Variants in LPCAT3 observed in about 807,000 individuals in gnomAD.
The protein encoded by LPCAT3 is lysophospholipid acyltransferase 5.
Under a neutral mutation model 63.4 loss-of-function variants are expected in LPCAT3, and 21 were observed. The observed-to-expected ratio is 0.33, with a 90% CI of 0.23 to 0.48. LPCAT3 has a LOEUF of 0.48. Ranked by LOEUF, LPCAT3 falls within the 20% of genes least tolerant of loss-of-function variation. The pLI, the probability that LPCAT3 is intolerant of heterozygous loss-of-function variation, is 0.99. For synonymous variants in LPCAT3, 242 were observed against 227.5 expected (o/e 1.06, Z -0.58); for missense variants, 451 against 590.6 (o/e 0.76, Z 2.45).
At chr12:7,002,220 A>C (rs1302711747) in intron 1 of LPCAT3, among the ~76,000 whole-genome samples, 1 of 152,000 alleles carries the variant, frequency 6.6e-6, no homozygotes, top group Non-Finnish European at 1.5e-5. Context: ...TCCTGTTCTT[A>C]CCCTTATATA....
chr12:6,981,111 G>C lies in LPCAT3; in HGVS notation c.570C>G (p.Phe190Leu). Residue 190 changes from phenylalanine to leucine, a missense_variant, in exon 6 of 13, where the codon TTC becomes TTG. Physicochemically the swap from Phe to Leu is conservative, Grantham distance 22. Coordinates refer to ENST00000261407, the MANE Select transcript of LPCAT3 (RefSeq NM_005768.6). Reference protein sequence around the residue: ...GVPSLLEVAGFSYFYGAFLVG... With the variant: ...GVPSLLEVAGLSYFYGAFLVG... ...CCAAGAAGGCCCCATAGAAGTAGGA[G>C]AAACCAGCAACTTCCAGCAGGGAAG... 6.2e-7 allele frequency: 1 copy of C among 1,614,034 alleles called. No individual in the cohort carries two copies. The highest frequency in any genetic ancestry group is 8.5e-7 in the Non-Finnish European group (1 of 1,179,970).
chr12:6,992,991 TTATTG>T (rs1309942205), intron 1 of LPCAT3, among the ~76,000 whole-genome samples: 2 of 152,324 alleles, frequency 1.3e-5, no homozygotes, highest in Non-Finnish European at 2.9e-5. Context: ...TATATTTTTA[TTATTG>T]TATTATTATT....
At position 7,017,930 on chromosome 12, in the gene LPCAT3, C is replaced by T. The variant is rs1003823428; in HGVS notation, c.151+344G>A. Reference sequence around the variant, plus strand: ...TGCGGGGTGGTTATTAATGACAGAGCAGGACACATGGCCAGACAGTGGAAC... The same window carrying T: ...TGCGGGGTGGTTATTAATGACAGAGTAGGACACATGGCCAGACAGTGGAAC... On this transcript the variant is annotated intron_variant, in intron 1 of 12. Transcript: ENST00000261407. This position sits in a 1 kb window ranked among gnomAD's most constrained non-coding sequence, Gnocchi z 4.1. Among the ~76,000 whole-genome samples, 3 of 152,274 alleles carry T rather than the reference C, an allele frequency of 2.0e-5. No homozygotes were observed. Among genetic ancestry groups the T allele is most frequent in the Middle Eastern group, 3.4e-3 (1 of 294 alleles).
Position 6,981,601 on chromosome 12 carries a change from T to G in LPCAT3, c.492A>C (p.Lys164Asn). The G allele has an allele frequency of 6.2e-7, 1 of 1,614,104 alleles. No individual in the cohort carries two copies. Among genetic ancestry groups the G allele is most frequent in the East Asian group, 2.2e-5 (1 of 44,876 alleles). ...GLAVDYFDGGKDQNSLSSEQQ... is the reference protein window; with the variant it reads ...GLAVDYFDGGNDQNSLSSEQQ... ...CCGATGAATGGGTACTTACCTGATC[T>G]TTCCCTCCGTCAAAGTAGTCAACAG... The change falls in exon 5 of 13, where the codon AAA (lysine) becomes AAC (asparagine). Residue 164 changes from lysine (K) to asparagine (N), a missense_variant. Around this residue, in one of 3 missense-constraint regions of LPCAT3, gnomAD observed 304 missense variants for 390.8 expected, o/e 0.78. Coordinates refer to ENST00000261407, the MANE Select transcript of LPCAT3 (RefSeq NM_005768.6).
intron 2 of LPCAT3, 75 bp downstream of exon 2, chr12:6,983,357 A>G: frequency 1.0e-6 from 1 of 967,912 alleles, no homozygotes; most frequent in Non-Finnish European, 1.6e-6. Context: ...AGATTCTCTC[A>G]AGGAAATTTT....
Position 6,987,701 on chromosome 12 carries a change from C to A in LPCAT3, c.152-4162G>T, listed in dbSNP as rs782392165. ...TCTCTTTAAGCATGAAAACCCTTAA[C>A]CATTTGGAATGCTCGAAATTAAAAA... On this transcript the variant is annotated intron_variant, in intron 1 of 12. Transcript: ENST00000261407. The surrounding 1 kb of genome is among the most constrained non-coding windows in gnomAD (Gnocchi z 4.1). The A allele has an allele frequency of 5.0e-6, 2 of 398,794 alleles. No homozygotes were observed. The highest frequency in any genetic ancestry group is 4.2e-4 in the Middle Eastern group (1 of 2,354). The allele number at this position is 398,794 out of a possible 1,614,324, so 24.7% of individuals were successfully genotyped here.
At chr12:7,000,679 A>G (rs1370767866) in intron 1 of LPCAT3, among the ~76,000 whole-genome samples, 1 of 151,698 alleles carries the variant, frequency 6.6e-6, no homozygotes, top group Non-Finnish European at 1.5e-5. Flanking sequence ...ATGTCTAAAT[A>G]TTTTATATAA....
At chr12:6,976,972 C>G in intron 12 of LPCAT3, 81 bp from the exon 13 acceptor site, 2 of 603,538 alleles carry the variant, frequency 3.3e-6, no homozygotes, top group South Asian at 3.9e-5. Flanking sequence ...TGTTTCCTAG[C>G]ATGCCTCAAT....
rs1393179932 is a variant in LPCAT3, at chr12:7,017,338, T to C, written c.151+936A>G. 1.3e-5 allele frequency among the ~76,000 whole-genome samples: 2 copies of C among 152,196 alleles called. No homozygotes were observed. Among genetic ancestry groups the C allele is most frequent in the Non-Finnish European group, 2.9e-5 (2 of 68,026 alleles). Reference sequence around the variant, plus strand: ...TCTACAGGACTTTATGGCAATCCTATGTGGTAGGCACTGTTGTCCTCATTT... The same window carrying C: ...TCTACAGGACTTTATGGCAATCCTACGTGGTAGGCACTGTTGTCCTCATTT... On this transcript the variant is annotated intron_variant, in intron 1 of 12. Transcript: ENST00000261407. This position sits in a 1 kb window ranked among gnomAD's most constrained non-coding sequence, Gnocchi z 4.1.
rs1176038216 is a variant in LPCAT3, at chr12:6,987,804, A to G, written c.152-4265T>C. The G allele has an allele frequency of 5.0e-6, 2 of 400,628 alleles. No individual in the cohort carries two copies. Among genetic ancestry groups the G allele is most frequent in the Non-Finnish European group, 8.8e-6 (2 of 226,242 alleles). The allele number at this position is 400,628 out of a possible 1,614,324, so 24.8% of individuals were successfully genotyped here. A position where few individuals can be genotyped will look rare whatever the true frequency, so the allele number is the denominator to read the frequency against. ...TAGGTGTCTGGATCGTATCTATTCC[A>G]GAGTAAAGTCATGATGGCTTTATGA... On this transcript the variant is annotated intron_variant, in intron 1 of 12. Transcript: ENST00000261407. This position sits in a 1 kb window ranked among gnomAD's most constrained non-coding sequence, Gnocchi z 4.1.
At chr12:7,003,359 G>GT (rs200605460) in intron 1 of LPCAT3, among the ~76,000 whole-genome samples, 4,098 of 137,882 alleles carry the variant, frequency 0.03, 128 homozygotes, top group African/African-American at 0.079. Context: ...AGTAGGGTGA[G>GT]TTTTTTTTTT....
At position 6,979,529 on chromosome 12, in the gene LPCAT3, C is replaced by A; in HGVS notation, c.728G>T (p.Gly243Val). The A allele has an allele frequency of 6.2e-7, 1 of 1,614,070 alleles. No homozygotes were observed. The highest frequency in any genetic ancestry group is 8.5e-7 in the Non-Finnish European group (1 of 1,179,968). Residue 243 changes from glycine (G) to valine (V), a missense_variant, in exon 7 of 13, where the codon GGC (glycine) becomes GTC (valine). Gly to Val is a moderately radical substitution (Grantham distance 109). Around this residue, in one of 3 missense-constraint regions of LPCAT3, gnomAD observed 304 missense variants for 390.8 expected, o/e 0.78. Coordinates refer to ENST00000261407, the MANE Select transcript of LPCAT3 (RefSeq NM_005768.6). Reference sequence around the variant, plus strand: ...GATGTGGGGGCTGAGCAGTGTGTAGCCCACTAGGTAGAAAAGGCCCAGACT... The same window carrying A: ...GATGTGGGGGCTGAGCAGTGTGTAGACCACTAGGTAGAAAAGGCCCAGACT... ...RLSLGLFYLV[G>V]YTLLSPHITE...
intron 1 of LPCAT3, chr12:6,988,083 G>A: frequency 3.2e-6 from 1 of 311,646 alleles, no homozygotes. Context: ...AAAGCAAGGG[G>A]CTTGGGTGCT....
chr12:6,977,416 C>G lies in LPCAT3; in HGVS notation c.1298G>C (p.Gly433Ala). 1 of 1,614,158 alleles carries G rather than the reference C, an allele frequency of 6.2e-7. No homozygotes were observed. Among genetic ancestry groups the G allele is most frequent in the Non-Finnish European group, 8.5e-7 (1 of 1,180,024 alleles). ...GAGGCAGAAGGCAGTCATGGAGTAACCCATGAAGAGCCAGTGGATGGTCTG... is the reference window on the plus strand; with the variant it reads ...GAGGCAGAAGGCAGTCATGGAGTAAGCCATGAAGAGCCAGTGGATGGTCTG... Reference protein sequence around the residue: ...VQQTIHWLFMGYSMTAFCLFT... With the variant: ...VQQTIHWLFMAYSMTAFCLFT... The change falls in exon 11 of 13, where the codon GGT (glycine) becomes GCT (alanine). Residue 433 changes from glycine (G) to alanine (A), a missense_variant. Transcript: ENST00000261407. This position sits in a 1 kb window ranked among gnomAD's most constrained non-coding sequence, Gnocchi z 4.5.
At chr12:6,998,241 G>A (rs1555156251) in intron 1 of LPCAT3, among the ~76,000 whole-genome samples, 1 of 151,988 alleles carries the variant, frequency 6.6e-6, no homozygotes, top group South Asian at 2.1e-4. Flanking sequence ...GTCTTGAACT[G>A]CTGGGCTCAA....
chr12:6,994,794 G>A (rs1198334407), intron 1 of LPCAT3, among the ~76,000 whole-genome samples: 1 of 152,152 alleles, frequency 6.6e-6, no homozygotes, highest in East Asian at 1.9e-4. Flanking sequence ...TCTGGCATGG[G>A]TTGGCTGACT....
At chr12:6,982,163 A>AT (rs1482157001) in intron 3 of LPCAT3, among the ~76,000 whole-genome samples, 5 of 151,784 alleles carry the variant, frequency 3.3e-5, no homozygotes, top group African/African-American at 9.7e-5. Context: ...CTAATTTTTA[A>AT]TTTTTTTTGT....
chr12:7,018,437 A>G lies in LPCAT3; in HGVS notation c.-13T>C. 1.3e-6 allele frequency: 2 copies of G among 1,590,126 alleles called. No individual in the cohort carries two copies. Among genetic ancestry groups the G allele is most frequent in the Non-Finnish European group, 8.6e-7 (1 of 1,166,514 alleles). On this transcript the variant is annotated 5_prime_UTR_variant, in exon 1 of 13. Transcript: ENST00000261407. The surrounding 1 kb of genome is among the most constrained non-coding windows in gnomAD (Gnocchi z 4.9). ...CTGAGGACGCCATCTTAACTCCGGG[A>G]GCCCCACAGGGACCCCCCAGCTCCG...
Position 6,987,766 on chromosome 12 carries a change from A to G in LPCAT3, c.152-4227T>C. The G allele has an allele frequency of 2.5e-6, 1 of 400,658 alleles. No individual in the cohort carries two copies. Among genetic ancestry groups the G allele is most frequent in the Admixed American group, 4.4e-5 (1 of 22,718 alleles). 24.8% of individuals were successfully genotyped at this position (400,658 alleles called of 1,614,324 possible). A position where few individuals can be genotyped will look rare whatever the true frequency, so the allele number is the denominator to read the frequency against. On this transcript the variant is annotated intron_variant, in intron 1 of 12. Transcript: ENST00000261407. The surrounding 1 kb of genome is among the most constrained non-coding windows in gnomAD (Gnocchi z 4.1). ...ACTCTGCCTCTTTAAGTTGAATCTA[A>G]TTTAACATTTTCTAGGTGTCTGGAT...
Sources: gnomAD v4.1 joint callset for allele counts (sites outside exome capture counted in the v4.1 genomes callset) on GRCh38, gnomAD v4.1.1 for gene constraint, gnomAD v4.1.1 regional missense constraint, Gnocchi (gnomAD v3.1) non-coding constraint, MANE v1.5 for transcripts, NCBI Gene and HGNC (gene_info 2026-07-23, HGNC 2026-07-21) for gene names.